NBEA: variants seen among roughly 807,000 people sequenced by gnomAD.
The protein encoded by NBEA is neurobeachin.
Under a neutral mutation model 343.4 loss-of-function variants are expected in NBEA, and 44 were observed. The ratio of observed to expected loss-of-function variants is 0.13; its 90% confidence interval spans 0.10 to 0.16. NBEA has a LOEUF of 0.16. NBEA is among the 10% of genes least tolerant of loss of function. NBEA has a pLI of 1.00. For missense variants in NBEA, 2,555 were observed against 3,631.3 expected, an observed-to-expected ratio of 0.70 and a Z score of 7.62; for synonymous variants, 1,175 against 1,238.7, an observed-to-expected ratio of 0.95 and a Z score of 1.08.
At chr13:35,135,491 TA>T (rs1227121854) in intron 17 of NBEA, among the ~76,000 whole-genome samples, 5 of 152,178 alleles carry the variant, frequency 3.3e-5, no homozygotes, top group Non-Finnish European at 5.9e-5. Flanking sequence ...CTATGCTGTG[TA>T]CATTAATGGG....
chr13:35,596,930 G>C (rs1268113697), intron 47 of NBEA, among the ~76,000 whole-genome samples: 2 of 151,970 alleles, frequency 1.3e-5, no homozygotes, highest in African/African-American at 4.8e-5. Flanking sequence ...AGAGATGGCA[G>C]CTTTAAAACC....
intron 38 of NBEA, among the ~76,000 whole-genome samples, chr13:35,411,028 CTGTT>C (rs1279065201): frequency 1.8e-4 from 27 of 152,188 alleles, no homozygotes; most frequent in Non-Finnish European, 4.4e-5. Context: ...TCCCACAAAA[CTGTT>C]ACCATGACCT....
intron 6 of NBEA, among the ~76,000 whole-genome samples, chr13:35,050,952 C>T (rs183195737): frequency 1.3e-5 from 2 of 151,888 alleles, no homozygotes; most frequent in African/African-American, 2.4e-5. Context: ...ATAGCAGAGA[C>T]AAGGCCAAAA....
At chr13:35,167,361 A>G (rs1447509334) in intron 24 of NBEA, among the ~76,000 whole-genome samples, 1 of 151,952 alleles carries the variant, frequency 6.6e-6, no homozygotes, top group African/African-American at 2.4e-5. Context: ...TATTGCTGTT[A>G]TAGTATCATC....
chr13:35,171,394 G>C lies in NBEA; in HGVS notation c.4365G>C (p.Glu1455Asp), dbSNP rs1427192557. Residue 1455 changes from glutamate (E) to aspartate (D), a missense_variant, in exon 26 of 59, where the codon GAG (glutamate) becomes GAC (aspartate). Physicochemically the swap from Glu to Asp is conservative, Grantham distance 45. Transcript: ENST00000379939. ...LVFASSLNFS[E>D]IEAEKNMSSG... ...TTGCAAGCTCTCTAAATTTTAGTGA[G>C]ATTGAAGCTGAGAAAAACATGTCTT... The C allele has an allele frequency of 1.9e-6, 3 of 1,612,060 alleles. No homozygotes were observed. Among genetic ancestry groups the C allele is most frequent in the Non-Finnish European group, 2.5e-6 (3 of 1,178,512 alleles).
chr13:35,369,155 C>CT (rs1327012568), intron 38 of NBEA, among the ~76,000 whole-genome samples: 5 of 96,666 alleles, frequency 5.2e-5, no homozygotes, highest in Non-Finnish European at 6.1e-5. Context: ...GTGCCAGCAC[C>CT]ATTTTTTTTT....
At chr13:34,982,038 A>G (rs1047056569) in intron 1 of NBEA, among the ~76,000 whole-genome samples, 2 of 151,822 alleles carry the variant, frequency 1.3e-5, no homozygotes, top group Non-Finnish European at 2.9e-5. Flanking sequence ...AAATTTGGCT[A>G]TGTTAATTCT....
At chr13:35,328,029 G>GTGGA (rs763469249) in intron 36 of NBEA, among the ~76,000 whole-genome samples, 30 of 151,920 alleles carry the variant, frequency 2.0e-4, no homozygotes, top group Non-Finnish European at 3.4e-4. Context: ...TGCTTTCCTT[G>GTGGA]TGGATCTAAA....
chr13:35,126,238 G>T (rs2067128223), intron 17 of NBEA, among the ~76,000 whole-genome samples: 1 of 152,044 alleles, frequency 6.6e-6, no homozygotes, highest in Non-Finnish European at 1.5e-5. Context: ...TGTGAAGAAG[G>T]TGCCTACTTC....
At chr13:35,521,270 C>A (rs927575398) in intron 41 of NBEA, among the ~76,000 whole-genome samples, 7 of 151,904 alleles carry the variant, frequency 4.6e-5, no homozygotes, top group African/African-American at 1.7e-4. Flanking sequence ...TGTACATTTC[C>A]TTAGTCAAAA....
intron 33 of NBEA, among the ~76,000 whole-genome samples, chr13:35,231,582 G>A (rs2074977302): frequency 6.6e-6 from 1 of 152,032 alleles, no homozygotes; most frequent in Non-Finnish European, 1.5e-5. Flanking sequence ...ATATGGGTGT[G>A]TTCAAAGTAG....
intron 38 of NBEA, among the ~76,000 whole-genome samples, chr13:35,383,520 C>T (rs1372301745): frequency 6.6e-6 from 1 of 152,060 alleles, no homozygotes; most frequent in Non-Finnish European, 1.5e-5. Flanking sequence ...TTTAGATCAA[C>T]TCAAGGCAGA....
intron 34 of NBEA, among the ~76,000 whole-genome samples, chr13:35,275,051 C>A (rs1486400971): frequency 6.6e-6 from 1 of 152,156 alleles, no homozygotes; most frequent in Non-Finnish European, 1.5e-5. Flanking sequence ...ATAGCCAAGA[C>A]AATCCTAAGC....
At chr13:35,148,974 T>G (rs1407846283) in intron 18 of NBEA, among the ~76,000 whole-genome samples, 1 of 152,172 alleles carries the variant, frequency 6.6e-6, no homozygotes, top group Non-Finnish European at 1.5e-5. Context: ...TTTTAACTAC[T>G]TAATTTTTTC....
intron 1 of NBEA, among the ~76,000 whole-genome samples, chr13:34,953,746 C>T (rs967285144): frequency 6.6e-5 from 10 of 152,154 alleles, no homozygotes; most frequent in African/African-American, 2.2e-4. Context: ...TTAATCTTGT[C>T]ATTATTCTCT....
rs754047039 is a variant in NBEA, at chr13:35,527,318, C to T, written c.6586-23159C>T. Among the ~76,000 whole-genome samples, 50 of 152,270 alleles carry T rather than the reference C, an allele frequency of 3.3e-4. 1 individual carries two copies. The highest frequency in any genetic ancestry group is 6.3e-4 in the Non-Finnish European group (43 of 68,024). On this transcript the variant is annotated intron_variant, in intron 41 of 58. Coordinates refer to ENST00000379939, the MANE Select transcript of NBEA (RefSeq NM_001385012.1). ...TTCCCTCTGGGTTGTGGATTTCACC[C>T]GGAAGTGGCAGTCAAGCCTCCCGGC...
intron 34 of NBEA, among the ~76,000 whole-genome samples, chr13:35,273,425 A>G (rs1437567605): frequency 6.6e-6 from 1 of 152,210 alleles, no homozygotes; most frequent in African/African-American, 2.4e-5. Context: ...TCTAAAATCG[A>G]CACCCTAACA....
At chr13:35,555,203 C>A in intron 44 of NBEA, 101 bp downstream of exon 44, 1 of 580,364 alleles carries the variant, frequency 1.7e-6, no homozygotes, top group Non-Finnish European at 2.8e-6. Context: ...AATTCAAATG[C>A]ATCATTAGAG....
At chr13:35,100,667 C>T (rs1306938234) in intron 11 of NBEA, among the ~76,000 whole-genome samples, 1 of 151,692 alleles carries the variant, frequency 6.6e-6, no homozygotes, top group African/African-American at 2.4e-5. Flanking sequence ...TTTGTAAAAG[C>T]CTTCAAATAA....
Sources: allele counts gnomAD v4.1 joint callset (sites outside exome capture counted in the v4.1 genomes callset), GRCh38; gene constraint gnomAD v4.1.1; transcripts MANE v1.5; gene names NCBI Gene and HGNC (gene_info 2026-07-23, HGNC 2026-07-21).